Variants in LRRC37A2 observed in about 807,000 individuals in gnomAD.
LRRC37A2 encodes the protein leucine rich repeat containing 37 member A2.
In LRRC37A2, 9 loss-of-function variants were observed where a neutral mutation model predicts 68.8. The ratio of observed to expected loss-of-function variants is 0.13; its 90% confidence interval spans 0.08 to 0.23. The LOEUF (loss-of-function observed/expected upper bound fraction) is 0.23, where lower values mean the gene tolerates loss of function less well. Ranked by LOEUF, LRRC37A2 falls within the 10% of genes least tolerant of loss-of-function variation. LRRC37A2 has a pLI of 1.00. For synonymous variants in LRRC37A2, 63 were observed against 367.6 expected, an observed-to-expected ratio of 0.17 and a Z score of 9.48; for missense variants, 168 against 950.4, an observed-to-expected ratio of 0.18 and a Z score of 10.82.
At chr17:46,970,392 T>TC in the LRRC37A2 span, among the ~76,000 whole-genome samples, 1 of 151,734 alleles carries the variant, frequency 6.6e-6, no homozygotes, top group Non-Finnish European at 1.5e-5. Flanking sequence ...AATGCAAAAA[T>TC]TAGCTGGGAG....
the LRRC37A2 span, among the ~76,000 whole-genome samples, chr17:46,753,940 T>C: frequency 1.2e-4 from 19 of 152,212 alleles, no homozygotes; most frequent in Non-Finnish European, 1.0e-4. Flanking sequence ...TGCTATTCTG[T>C]TAAAACTTGC....
At chr17:46,381,871 T>C in the LRRC37A2 span, among the ~76,000 whole-genome samples, 3 of 115,070 alleles carry the variant, frequency 2.6e-5, no homozygotes, top group African/African-American at 8.7e-5. Flanking sequence ...ATGCACACTT[T>C]AAGAGATTTC....
At chr17:47,009,310 A>G in the LRRC37A2 span, among the ~76,000 whole-genome samples, 1 of 152,192 alleles carries the variant, frequency 6.6e-6, no homozygotes. Context: ...TATAACTTGC[A>G]AATATTTAGA....
the LRRC37A2 span, among the ~76,000 whole-genome samples, chr17:46,708,751 C>T: frequency 2.0e-5 from 3 of 148,394 alleles, no homozygotes; most frequent in African/African-American, 7.4e-5. Flanking sequence ...ACCTCAGCCT[C>T]CCAGTGTGCT....
the LRRC37A2 span, among the ~76,000 whole-genome samples, chr17:46,767,531 C>T: frequency 6.6e-6 from 1 of 152,184 alleles, no homozygotes; most frequent in East Asian, 1.9e-4. Flanking sequence ...AAACTGCCCC[C>T]TGCCCTTCAC....
intron 6 of LRRC37A2, among the ~76,000 whole-genome samples, chr17:46,539,809 TATG>T (rs1229219067): frequency 1.4e-5 from 2 of 146,614 alleles, no homozygotes; most frequent in African/African-American, 5.3e-5. Context: ...CAACTTGAAT[TATG>T]ATGAGCAACT....
At chr17:46,929,551 C>A in the LRRC37A2 span, 1 of 1,566,354 alleles carries the variant, frequency 6.4e-7, no homozygotes, top group Non-Finnish European at 8.8e-7. Context: ...TTGCATGGGA[C>A]GCCTGGAGAC....
chr17:46,870,740 A>G, the LRRC37A2 span, among the ~76,000 whole-genome samples: 2,193 of 152,040 alleles, frequency 0.014, 60 homozygotes, highest in African/African-American at 0.05. Flanking sequence ...AAGGCAGGTG[A>G]CTCCAAAGAG....
the LRRC37A2 span, among the ~76,000 whole-genome samples, chr17:46,761,913 T>TG: frequency 6.6e-6 from 1 of 152,224 alleles, no homozygotes; most frequent in Non-Finnish European, 1.5e-5. Flanking sequence ...GCATGCCCAC[T>TG]GGCAGGCCCT....
At chr17:46,877,118 G>T in the LRRC37A2 span, 1 of 981,006 alleles carries the variant, frequency 1.0e-6, no homozygotes, top group Non-Finnish European at 1.2e-6. Context: ...GAACTGCTGG[G>T]CTAGGAATGC....
chr17:46,983,692 G>A, the LRRC37A2 span, among the ~76,000 whole-genome samples: 105,314 of 152,186 alleles, frequency 0.69, 37,106 homozygotes, highest in Middle Eastern at 0.78. Context: ...AGGTAAGTGT[G>A]TTTGTTATTT....
At chr17:46,866,805 T>G in the LRRC37A2 span, among the ~76,000 whole-genome samples, 2 of 152,130 alleles carry the variant, frequency 1.3e-5, no homozygotes, top group African/African-American at 4.8e-5. Context: ...CACCACATCC[T>G]GGGGATAGCC....
the LRRC37A2 span, among the ~76,000 whole-genome samples, chr17:47,027,086 A>AT: frequency 1.3e-5 from 2 of 151,620 alleles, no homozygotes; most frequent in South Asian, 2.1e-4. Flanking sequence ...AATTTTTTCT[A>AT]TTTTTTTGTA....
the LRRC37A2 span, among the ~76,000 whole-genome samples, chr17:46,910,678 G>C: frequency 1.1e-4 from 16 of 152,256 alleles, no homozygotes; most frequent in Admixed American, 5.2e-4. Context: ...GGAGTGGAAA[G>C]GCTGCCACAG....
chr17:46,836,117 T>TGTGTGTGTGTGTGTGTGTGTGTGTGTG, the LRRC37A2 span, among the ~76,000 whole-genome samples: 6 of 151,440 alleles, frequency 4.0e-5, no homozygotes, highest in African/African-American at 1.5e-4. Flanking sequence ...TGTGTGTGTG[T>TGTGTGTGTGTGTGTGTGTGTGTGTGTG]GTGTGTGTGT....
At chr17:46,542,937 A>G (rs1339416185) in intron 8 of LRRC37A2, among the ~76,000 whole-genome samples, 3 of 149,712 alleles carry the variant, frequency 2.0e-5, no homozygotes, top group Non-Finnish European at 4.4e-5. Flanking sequence ...TCACTTTCTT[A>G]TCTTGACCAG....
At chr17:46,918,596 GACAC>G in the LRRC37A2 span, among the ~76,000 whole-genome samples, 34,481 of 146,286 alleles carry the variant, frequency 0.24, 4,410 homozygotes, top group Non-Finnish European at 0.32. Context: ...ATAGCAGGCA[GACAC>G]ACACACACAC....
At chr17:46,754,149 C>T in the LRRC37A2 span, among the ~76,000 whole-genome samples, 89 of 133,962 alleles carry the variant, frequency 6.6e-4, no homozygotes, top group South Asian at 9.6e-4. Flanking sequence ...CCAGCCAGTT[C>T]TTTTTTTTTT....
chr17:46,407,799 TGAG>T, the LRRC37A2 span, among the ~76,000 whole-genome samples: 5 of 68,484 alleles, frequency 7.3e-5, no homozygotes, highest in African/African-American at 2.6e-4. Context: ...GGGTTTTAAC[TGAG>T]CATTTTTCTT....
Sources: allele counts gnomAD v4.1 joint callset (sites outside exome capture counted in the v4.1 genomes callset), GRCh38; gene constraint gnomAD v4.1.1; transcripts MANE v1.5; gene names NCBI Gene and HGNC (gene_info 2026-07-23, HGNC 2026-07-21).